NTN1: variants seen among roughly 807,000 people sequenced by gnomAD.
NTN1 encodes the protein netrin-1.
NTN1 carries 11 observed loss-of-function variants against 54.2 expected under a neutral mutation model. The observed-to-expected ratio is 0.20, with a 90% CI of 0.13 to 0.34. NTN1 has a LOEUF of 0.34. Among genes scored for constraint, NTN1 ranks in the 10% least tolerant of loss-of-function variants. The pLI, the probability that NTN1 is intolerant of heterozygous loss-of-function variation, is 1.00. For synonymous variants in NTN1, 371 were observed against 382.0 expected (o/e 0.97, Z 0.33); for missense variants, 740 against 893.1 (o/e 0.83, Z 2.18).
intron 6 of NTN1, among the ~76,000 whole-genome samples, chr17:9,223,639 G>A (rs138125980): frequency 3.3e-5 from 5 of 152,328 alleles, no homozygotes; most frequent in Admixed American, 1.3e-4. Flanking sequence ...AGTGTCCCCT[G>A]GGGACTGTTA....
At chr17:9,033,709 G>A (rs999295009) in intron 2 of NTN1, among the ~76,000 whole-genome samples, 2 of 152,188 alleles carry the variant, frequency 1.3e-5, no homozygotes, top group East Asian at 3.8e-4. Flanking sequence ...CCTGAGGTTG[G>A]GAGTTCGAGA....
intron 2 of NTN1, among the ~76,000 whole-genome samples, chr17:9,080,735 G>A (rs936760915): frequency 2.0e-5 from 3 of 152,110 alleles, no homozygotes; most frequent in Non-Finnish European, 4.4e-5. Flanking sequence ...TTGAAGGTTG[G>A]GCTGATCACC....
At chr17:9,154,462 C>T (rs1479814538) in intron 2 of NTN1, among the ~76,000 whole-genome samples, 3 of 152,228 alleles carry the variant, frequency 2.0e-5, no homozygotes, top group Non-Finnish European at 2.9e-5. Flanking sequence ...ATGCCCAGCT[C>T]ACCTGTAGAC....
chr17:9,190,462 T>C (rs775777594), intron 5 of NTN1, among the ~76,000 whole-genome samples: 2 of 152,216 alleles, frequency 1.3e-5, no homozygotes, highest in Non-Finnish European at 2.9e-5. Context: ...GGAGGGTGAT[T>C]TGCCCTACCA....
intron 2 of NTN1, among the ~76,000 whole-genome samples, chr17:9,103,313 A>G (rs1275869757): frequency 6.6e-6 from 1 of 152,094 alleles, no homozygotes; most frequent in African/African-American, 2.4e-5. Flanking sequence ...TGGTTTATAC[A>G]TGTGATATGG....
chr17:9,082,685 T>G (rs2092075682), intron 2 of NTN1, among the ~76,000 whole-genome samples: 1 of 145,436 alleles, frequency 6.9e-6, no homozygotes, highest in Non-Finnish European at 1.5e-5. Context: ...GTGCATAGAG[T>G]AGAGATTGGC....
intron 2 of NTN1, among the ~76,000 whole-genome samples, chr17:9,162,440 T>C (rs941309820): frequency 2.0e-5 from 3 of 151,928 alleles, no homozygotes; most frequent in African/African-American, 4.9e-5. Context: ...TCCGTGCACA[T>C]GCGTCCCTGC....
At chr17:9,041,933 C>T (rs1242642258) in intron 2 of NTN1, among the ~76,000 whole-genome samples, 3 of 151,236 alleles carry the variant, frequency 2.0e-5, no homozygotes, top group Non-Finnish European at 2.9e-5. Context: ...TGCTTGAATC[C>T]GGGAGGTGGA....
intron 2 of NTN1, among the ~76,000 whole-genome samples, chr17:9,143,999 G>A (rs1253038158): frequency 8.6e-5 from 13 of 151,750 alleles, no homozygotes; most frequent in Admixed American, 8.6e-4. Flanking sequence ...GGGTTCAAGC[G>A]ATTCTCCTGC....
chr17:9,221,676 C>T lies in NTN1; in HGVS notation c.1486+434C>T, dbSNP rs950327394. Among the ~76,000 whole-genome samples the T allele has an allele frequency of 1.4e-4, 21 of 152,322 alleles. No homozygotes were observed. The highest frequency in any genetic ancestry group is 2.4e-4 in the Non-Finnish European group (16 of 68,018). The stretch of plus-strand genomic sequence containing the variant: ...GCTCCCCGGTGCATTTCCAGTGTTC[C>T]GCCAGGCTGTAGCGGGGCCGGGAGT... On this transcript the variant is annotated intron_variant, in intron 6 of 6. Transcript: ENST00000173229. This position sits in a 1 kb window ranked among gnomAD's most constrained non-coding sequence, Gnocchi z 4.5.
intron 2 of NTN1, among the ~76,000 whole-genome samples, chr17:9,032,061 G>A (rs967575787): frequency 7.2e-5 from 11 of 152,260 alleles, no homozygotes; most frequent in Non-Finnish European, 5.9e-5. Flanking sequence ...CTGTGCACGT[G>A]AGAAGGTGCA....
chr17:9,121,659 GAGGGTACCCCACCGGGTC>G (rs1409983159), intron 2 of NTN1, among the ~76,000 whole-genome samples: 1 of 152,162 alleles, frequency 6.6e-6, no homozygotes, highest in Non-Finnish European at 1.5e-5. Context: ...ATGTGGCCTG[GAGGGTACCCCACCGGGTC>G]AGCTGGTCAG....
rs62068232 is a variant in NTN1, at chr17:9,211,367, G to A, written c.1412-9801G>A. Among the ~76,000 whole-genome samples the A allele has an allele frequency of 0.064, 9,701 of 152,122 alleles. 358 individuals carry two copies. The highest frequency in any genetic ancestry group is 0.082 in the Non-Finnish European group (5,583 of 67,996). ...CTCCACCTGTGCCCCCTGCCCCCAC[G>A]CATTCCCTCCCAGTGTGCTCGGCTC... is the stretch of plus-strand genomic sequence containing the variant. On this transcript the variant is annotated intron_variant, in intron 5 of 6. Coordinates refer to ENST00000173229, the MANE Select transcript of NTN1 (RefSeq NM_004822.3). This position sits in a 1 kb window ranked among gnomAD's most constrained non-coding sequence, Gnocchi z 4.4.
intron 2 of NTN1, among the ~76,000 whole-genome samples, chr17:9,106,488 C>G (rs1319398668): frequency 3.3e-5 from 2 of 60,368 alleles, no homozygotes; most frequent in African/African-American, 7.8e-5. Context: ...TTCCTTCCTT[C>G]CTTCCTTCCT....
chr17:9,080,502 T>A (rs1394510555), intron 2 of NTN1, among the ~76,000 whole-genome samples: 2 of 152,232 alleles, frequency 1.3e-5, no homozygotes, highest in Admixed American at 6.5e-5. Flanking sequence ...TTGCGAAATG[T>A]ATATTTGGTC....
At chr17:9,065,663 A>G (rs1300059289) in intron 2 of NTN1, among the ~76,000 whole-genome samples, 2 of 152,342 alleles carry the variant, frequency 1.3e-5, no homozygotes, top group East Asian at 1.9e-4. Context: ...AGGCCTGGGT[A>G]TAGCCCGTGA....
intron 2 of NTN1, among the ~76,000 whole-genome samples, chr17:9,123,094 A>G (rs1478274341): frequency 2.0e-5 from 3 of 152,172 alleles, no homozygotes; most frequent in Non-Finnish European, 4.4e-5. Flanking sequence ...GAATAAGCAC[A>G]TGTTTAAGAC....
chr17:9,010,651 T>G, the NTN1 span, among the ~76,000 whole-genome samples: 1 of 152,226 alleles, frequency 6.6e-6, no homozygotes, highest in African/African-American at 2.4e-5. Flanking sequence ...CTGTAACAAA[T>G]TCCCACAAAT....
chr17:9,194,979 C>T (rs1281322201), intron 5 of NTN1, among the ~76,000 whole-genome samples: 1 of 152,164 alleles, frequency 6.6e-6, no homozygotes, highest in Non-Finnish European at 1.5e-5. Context: ...GAGCAGCCTG[C>T]ACAAGTCAGT....
Sources: allele counts gnomAD v4.1 joint callset (sites outside exome capture counted in the v4.1 genomes callset), GRCh38; gene constraint gnomAD v4.1.1; non-coding constraint Gnocchi (gnomAD v3.1); transcripts MANE v1.5; gene names NCBI Gene and HGNC (gene_info 2026-07-23, HGNC 2026-07-21).